ELMO1: variants seen among roughly 807,000 people sequenced by gnomAD.
ELMO1 encodes the protein engulfment and cell motility 1.
ELMO1 carries 26 observed loss-of-function variants against 98.9 expected under a neutral mutation model. The ratio of observed to expected loss-of-function variants is 0.26; its 90% CI spans 0.19 to 0.36. ELMO1 has a LOEUF of 0.36. Ranked by LOEUF, ELMO1 falls within the 10% of genes least tolerant of loss-of-function variation. The pLI is 1.00. For missense variants in ELMO1, 627 were observed against 935.2 expected (o/e 0.67, Z 4.30); for synonymous variants, 346 against 346.0 (o/e 1.00, Z 0.00).
intron 16 of ELMO1, among the ~76,000 whole-genome samples, chr7:36,960,101 C>G (rs979751442): frequency 2.6e-5 from 4 of 152,212 alleles, no homozygotes; most frequent in African/African-American, 9.7e-5. Context: ...AATGTGCCTA[C>G]AGCCCCCAGT....
At chr7:37,416,336 T>C (rs1401671146) in intron 1 of ELMO1, among the ~76,000 whole-genome samples, 3 of 152,218 alleles carry the variant, frequency 2.0e-5, no homozygotes. Context: ...TATATACACA[T>C]ATATTTTCCA....
chr7:37,378,057 A>G (rs946963096), intron 1 of ELMO1, among the ~76,000 whole-genome samples: 6 of 152,168 alleles, frequency 3.9e-5, no homozygotes, highest in African/African-American at 1.4e-4. Flanking sequence ...TTTCTTCCCA[A>G]GGCAATTCCC....
rs1423317249 is a variant in ELMO1, at chr7:37,448,285, G to A, written c.-74+390C>T. Among the ~76,000 whole-genome samples, 314 of 143,372 alleles carry A rather than the reference G, an allele frequency of 2.2e-3. 4 individuals carry two copies. The highest frequency in any genetic ancestry group is 8.0e-4 in the Non-Finnish European group (52 of 65,404). 94.1% of individuals were successfully genotyped at this position (143,372 alleles called of 152,430 possible). On this transcript the variant is annotated intron_variant, in intron 1 of 21. Coordinates refer to ENST00000310758, the MANE Select transcript of ELMO1 (RefSeq NM_014800.11). Reference sequence around the variant, plus strand: ...CCCCGTCCCCAGTAACCCCGCGCCAGCGTCGCAACCCTCCCGCGCCCCCCC... The same window carrying A: ...CCCCGTCCCCAGTAACCCCGCGCCAACGTCGCAACCCTCCCGCGCCCCCCC...
chr7:37,049,500 C>G (rs1795983751), intron 15 of ELMO1, among the ~76,000 whole-genome samples: 1 of 152,190 alleles, frequency 6.6e-6, no homozygotes, highest in Non-Finnish European at 1.5e-5. Flanking sequence ...CAGAGCTGCT[C>G]TGCCCCAAAT....
In ELMO1 at chr7:36,855,696, T is replaced by G. The variant is rs1228669765; in HGVS notation, c.2039A>C (p.Asp680Ala). The G allele has an allele frequency of 2.5e-6, 4 of 1,614,062 alleles. No individual in the cohort carries two copies. Among genetic ancestry groups the G allele is most frequent in the Non-Finnish European group, 1.7e-6 (2 of 1,179,984 alleles). ...NALLGKDMMS[D>A]LTRNDLDTLL... ...GGTGTCCAGGTCATTCCGCGTCAGG[T>G]CGCTCATCATGTCCTTCCCGAGTAG... is the stretch of plus-strand genomic sequence containing the variant. The change falls in exon 22 of 22, where the codon GAC becomes GCC. Residue 680 changes from aspartate (D) to alanine (A), a missense_variant. By Grantham distance (126) the Asp-to-Ala change is moderately radical (BLOSUM62 -2). Around this residue, in one of 3 missense-constraint regions of ELMO1, gnomAD observed 492 missense variants for 715.6 expected, o/e 0.69. Transcript: ENST00000310758. This position sits in a 1 kb window ranked among gnomAD's most constrained non-coding sequence, Gnocchi z 4.2.
At chr7:37,090,351 A>G (rs1254858094) in intron 15 of ELMO1, among the ~76,000 whole-genome samples, 2 of 152,226 alleles carry the variant, frequency 1.3e-5, no homozygotes, top group African/African-American at 2.4e-5. Flanking sequence ...CCCAGAAAAT[A>G]TAATCTAATT....
chr7:37,128,985 GA>G (rs1786717457), intron 14 of ELMO1, among the ~76,000 whole-genome samples: 1 of 152,094 alleles, frequency 6.6e-6, no homozygotes, highest in Admixed American at 6.5e-5. Flanking sequence ...AGAGGGTCAG[GA>G]AGTCTTCTTC....
intron 1 of ELMO1, among the ~76,000 whole-genome samples, chr7:37,406,073 C>T (rs1803745588): frequency 6.6e-6 from 1 of 152,148 alleles, no homozygotes; most frequent in Admixed American, 6.5e-5. Flanking sequence ...AGCCGTTAAG[C>T]AGACCTCATC....
In ELMO1 at chr7:36,897,325, C is replaced by CGTGTGTGTGTGTGT. The variant is rs11267559; in HGVS notation, c.1438-2322_1438-2309dup. Among the ~76,000 whole-genome samples, 232 of 47,000 alleles carry CGTGTGTGTGTGTGT rather than the reference C, an allele frequency of 4.9e-3. 5 individuals carry two copies. The highest frequency in any genetic ancestry group is 0.036 in the East Asian group (79 of 2,222). The allele number at this position is 47,000 out of a possible 152,430, so 30.8% of individuals were successfully genotyped here. ...TCAGTAGTAGGACAAAGAAAACAGACGTGTGTGTGTGTGTGTGTGTGTGTG... is the reference window on the plus strand; with the variant it reads ...TCAGTAGTAGGACAAAGAAAACAGACGTGTGTGTGTGTGTGTGTGTGTGTGTGTGTGTGTGTGTG... On this transcript the variant is annotated intron_variant, in intron 16 of 21. Transcript: ENST00000310758.
intron 2 of ELMO1, among the ~76,000 whole-genome samples, chr7:37,338,483 A>G (rs1394240102): frequency 6.6e-6 from 1 of 152,174 alleles, no homozygotes; most frequent in African/African-American, 2.4e-5. Flanking sequence ...AGCCTCCAGA[A>G]CTGTGAACAA....
intron 16 of ELMO1, among the ~76,000 whole-genome samples, chr7:36,970,754 C>T (rs1213102577): frequency 6.6e-6 from 1 of 152,192 alleles, no homozygotes; most frequent in East Asian, 1.9e-4. Context: ...AAGAACAAAA[C>T]ACAAAACCTG....
At chr7:37,051,515 G>C (rs906225519) in intron 15 of ELMO1, among the ~76,000 whole-genome samples, 2 of 151,822 alleles carry the variant, frequency 1.3e-5, no homozygotes, top group Non-Finnish European at 2.9e-5. Flanking sequence ...TGAATTCTGA[G>C]GATTAAATGT....
chr7:37,155,297 CA>C (rs1788658210), intron 13 of ELMO1, among the ~76,000 whole-genome samples: 1 of 152,028 alleles, frequency 6.6e-6, no homozygotes, highest in African/African-American at 2.4e-5. Context: ...GTATCAAATT[CA>C]CACATAAGTA....
chr7:37,020,679 A>G (rs1794215161), intron 15 of ELMO1, among the ~76,000 whole-genome samples: 1 of 152,158 alleles, frequency 6.6e-6, no homozygotes, highest in Non-Finnish European at 1.5e-5. Context: ...GAGACTCTGA[A>G]CCCATTTACA....
chr7:37,408,363 G>C lies in ELMO1; in HGVS notation c.-74+40312C>G, dbSNP rs116255726. The stretch of plus-strand genomic sequence containing the variant: ...TGGAAAAAAGATGACAAAGAACTCA[G>C]ATAAGCCCCTACGCTCTGTCTTTCC... On this transcript the variant is annotated intron_variant, in intron 1 of 21. Coordinates refer to ENST00000310758, the MANE Select transcript of ELMO1 (RefSeq NM_014800.11). Among the ~76,000 whole-genome samples, 512 of 152,284 alleles carry C rather than the reference G, an allele frequency of 3.4e-3. 6 individuals are homozygous for C. The highest frequency in any genetic ancestry group is 0.012 in the African/African-American group (495 of 41,542).
In ELMO1 at chr7:37,375,704, A is replaced by G. The variant is rs1802310751; in HGVS notation, c.-73-32941T>C. ...AAGTCCCGAGGCTGTGTGAAGGAAC[A>G]GTTTGCCTGGAGACACTTCTACTGG... On this transcript the variant is annotated intron_variant, in intron 1 of 21. Coordinates refer to ENST00000310758, the MANE Select transcript of ELMO1 (RefSeq NM_014800.11). 3.9e-6 allele frequency: 5 copies of G among 1,265,886 alleles called. No individual in the cohort carries two copies. In the Admixed American group the frequency reaches 8.4e-5, roughly 21 times the overall value. The allele number at this position is 1,265,886 out of a possible 1,614,324, so 78.4% of individuals were successfully genotyped here.
At chr7:37,280,092 A>G (rs1017636532) in intron 4 of ELMO1, among the ~76,000 whole-genome samples, 1 of 152,260 alleles carries the variant, frequency 6.6e-6, no homozygotes, top group African/African-American at 2.4e-5. Context: ...ACAAAAACAT[A>G]AAGTGGGGAG....
Position 37,133,125 on chromosome 7 carries a change from C to T in ELMO1, c.1191+5G>A, listed in dbSNP as rs1369090135. On this transcript the variant is annotated splice_donor_5th_base_variant and intron_variant, in intron 14 of 21. Transcript: ENST00000310758. ...ACAATATCTGAAAAGGGGCTTCTTG[C>T]TTACCCGGATGTAGGCATCTTGGTG... 1.2e-6 allele frequency: 2 copies of T among 1,603,566 alleles called. No individual in the cohort carries two copies. Among genetic ancestry groups the T allele is most frequent in the African/African-American group, 1.3e-5 (1 of 74,250 alleles).
intron 2 of ELMO1, among the ~76,000 whole-genome samples, chr7:37,341,050 G>A (rs972562467): frequency 2.0e-5 from 3 of 152,214 alleles, no homozygotes; most frequent in African/African-American, 7.2e-5. Context: ...TACACACAGG[G>A]ATACCCTGGA....
Sources: allele counts gnomAD v4.1 joint callset (sites outside exome capture counted in the v4.1 genomes callset), GRCh38; gene constraint gnomAD v4.1.1; regional missense constraint gnomAD v4.1.1; non-coding constraint Gnocchi (gnomAD v3.1); transcripts MANE v1.5; gene names NCBI Gene and HGNC (gene_info 2026-07-23, HGNC 2026-07-21).